VPS50: variants seen among roughly 807,000 people sequenced by gnomAD.
VPS50 encodes syndetin.
A neutral mutation model predicts 139.7 loss-of-function variants in VPS50; 70 were observed. That is an observed-to-expected ratio of 0.50 (90% CI 0.41 to 0.61). VPS50 has a LOEUF of 0.61. Among genes scored for constraint, VPS50 ranks in the 20% least tolerant of loss-of-function variants. The pLI is 0.00. For missense variants in VPS50, 921 were observed against 1,133.7 expected (o/e 0.81, Z 2.69); for synonymous variants, 365 against 376.7 (o/e 0.97, Z 0.36).
intron 12 of VPS50, among the ~76,000 whole-genome samples, chr7:93,289,307 T>C (rs1407204229): frequency 6.6e-6 from 1 of 152,128 alleles, no homozygotes; most frequent in Non-Finnish European, 1.5e-5. Context: ...GGGCCATTTT[T>C]GTATCTCTGT....
At chr7:93,314,216 T>C (rs1797355458) in intron 20 of VPS50, among the ~76,000 whole-genome samples, 1 of 152,156 alleles carries the variant, frequency 6.6e-6, no homozygotes, top group Non-Finnish European at 1.5e-5. Context: ...TTTTGGTGCT[T>C]GAGAAGATGA....
chr7:93,274,396 C>T (rs1796092919), intron 11 of VPS50, among the ~76,000 whole-genome samples: 1 of 152,066 alleles, frequency 6.6e-6, no homozygotes, highest in Non-Finnish European at 1.5e-5. Context: ...ATTTATGATT[C>T]TGAAAATCCT....
chr7:93,236,682 G>C (rs1198225101), intron 1 of VPS50, among the ~76,000 whole-genome samples: 1 of 151,830 alleles, frequency 6.6e-6, no homozygotes, highest in East Asian at 1.9e-4. Context: ...GAGAGATGAA[G>C]ATAAAATAAG....
intron 1 of VPS50, among the ~76,000 whole-genome samples, chr7:93,238,720 A>G (rs1299802977): frequency 2.0e-5 from 3 of 152,120 alleles, no homozygotes; most frequent in Non-Finnish European, 4.4e-5. Context: ...GTTGATGGAC[A>G]TGATCCAAGG....
chr7:93,312,233 T>G (rs1303341135), intron 20 of VPS50, among the ~76,000 whole-genome samples: 1 of 152,186 alleles, frequency 6.6e-6, no homozygotes, highest in Non-Finnish European at 1.5e-5. Context: ...AAAAAGCTAT[T>G]CTGTGGCTAA....
intron 20 of VPS50, among the ~76,000 whole-genome samples, chr7:93,313,817 T>C (rs1319378032): frequency 6.6e-6 from 1 of 152,172 alleles, no homozygotes; most frequent in Admixed American, 6.5e-5. Context: ...GTGAAGAGAA[T>C]TTGACTATTG....
At chr7:93,322,969 A>G (rs1797661875) in intron 20 of VPS50, among the ~76,000 whole-genome samples, 1 of 152,204 alleles carries the variant, frequency 6.6e-6, no homozygotes, top group Non-Finnish European at 1.5e-5. Context: ...GGCATCTTCC[A>G]AAAGAAGGAA....
intron 1 of VPS50, among the ~76,000 whole-genome samples, chr7:93,235,590 C>A (rs1348618904): frequency 6.6e-6 from 1 of 152,078 alleles, no homozygotes; most frequent in Non-Finnish European, 1.5e-5. Flanking sequence ...GACAGAATTT[C>A]CTGACAGATT....
rs1036474953 is a variant in VPS50, at chr7:93,342,528, CACAG to C, written c.2207+957_2207+960del. On this transcript the variant is annotated intron_variant, in intron 23 of 27. Coordinates refer to ENST00000305866, the MANE Select transcript of VPS50 (RefSeq NM_017667.4). ...GTAGGCTCCACCTCTGGGGGCAGGG[CACAG>C]ACAAACAAAAAGACAGCAGTAACCT... Among the ~76,000 whole-genome samples, 15 of 152,330 alleles carry C rather than the reference CACAG, an allele frequency of 9.8e-5. 1 individual carries two copies. The highest frequency in any genetic ancestry group is 3.6e-4 in the African/African-American group (15 of 41,568).
At chr7:93,297,554 A>G (rs1338816648) in intron 16 of VPS50, among the ~76,000 whole-genome samples, 2 of 152,148 alleles carry the variant, frequency 1.3e-5, no homozygotes, top group Non-Finnish European at 2.9e-5. Context: ...CCATACCTGC[A>G]TACATATGGG....
At chr7:93,278,806 T>C (rs1796239827) in intron 12 of VPS50, among the ~76,000 whole-genome samples, 1 of 151,782 alleles carries the variant, frequency 6.6e-6, no homozygotes, top group African/African-American at 2.4e-5. Context: ...TATGTACATA[T>C]ATATACACAC....
At chr7:93,310,718 C>T (rs1797243817) in intron 19 of VPS50, among the ~76,000 whole-genome samples, 1 of 151,874 alleles carries the variant, frequency 6.6e-6, no homozygotes, top group Non-Finnish European at 1.5e-5. Flanking sequence ...TTATGCCGGC[C>T]CTTTTTTCTG....
chr7:93,250,336 C>T (rs890132675), intron 2 of VPS50, among the ~76,000 whole-genome samples: 5 of 151,938 alleles, frequency 3.3e-5, no homozygotes, highest in Non-Finnish European at 5.9e-5. Flanking sequence ...CTGAGCAAGG[C>T]TCTTCTTACA....
At position 93,308,931 on chromosome 7, in the gene VPS50, T is replaced by A. The variant is rs745306035; in HGVS notation, c.1737T>A (p.Gly579=). 2.0e-5 allele frequency: 31 copies of A among 1,555,050 alleles called. No individual in the cohort carries two copies. The highest frequency in any genetic ancestry group is 1.1e-4 in the South Asian group (10 of 89,448). ...ATGTGGATGAGCAGACAGGAGATGG[T>A]CCTGTGAAAAGGTGATTGTTCTTAA... is the stretch of plus-strand genomic sequence containing the variant. The part of the protein sequence containing the change: ...RDYVDEQTGD[G]PVKSVSRETL... The change falls in exon 19 of 28, where the codon GGT becomes GGA. Residue 579 remains glycine, a synonymous_variant. Coordinates refer to ENST00000305866, the MANE Select transcript of VPS50 (RefSeq NM_017667.4).
intron 20 of VPS50, among the ~76,000 whole-genome samples, chr7:93,317,259 C>T (rs895290524): frequency 9.9e-5 from 15 of 152,166 alleles, no homozygotes; most frequent in Non-Finnish European, 8.8e-5. Context: ...TGTTAAAACA[C>T]AGATTGCTGG....
chr7:93,353,045 A>T (rs1213623464), intron 25 of VPS50, among the ~76,000 whole-genome samples: 1 of 152,126 alleles, frequency 6.6e-6, no homozygotes, highest in Non-Finnish European at 1.5e-5. Flanking sequence ...CAGATTTGGG[A>T]TTCTCAACCA....
At chr7:93,338,065 A>C (rs1189395779) in intron 22 of VPS50, among the ~76,000 whole-genome samples, 1 of 152,046 alleles carries the variant, frequency 6.6e-6, no homozygotes, top group East Asian at 1.9e-4. Context: ...TCAGAGTTTT[A>C]GGTCTCCTCA....
chr7:93,305,238 C>T (rs1420795381), intron 17 of VPS50, among the ~76,000 whole-genome samples: 1 of 151,856 alleles, frequency 6.6e-6, no homozygotes, highest in Non-Finnish European at 1.5e-5. Context: ...ATGACTTAGA[C>T]TGGGTCTTAC....
At chr7:93,296,700 A>C (rs374136667) in intron 14 of VPS50, 42 bp from the exon 15 acceptor site, 14 of 1,585,206 alleles carry the variant, frequency 8.8e-6, no homozygotes, top group Non-Finnish European at 1.0e-5. Flanking sequence ...CTTATTTTCT[A>C]TATTTTGGGT....
Sources: allele counts gnomAD v4.1 joint callset (sites outside exome capture counted in the v4.1 genomes callset), GRCh38; gene constraint gnomAD v4.1.1; transcripts MANE v1.5; gene names NCBI Gene and HGNC (gene_info 2026-07-23, HGNC 2026-07-21).